EPHB4: variants seen among roughly 807,000 people sequenced by gnomAD.
EPHB4 encodes the protein EPH receptor B4, also known as ephrin type-B receptor 4.
EPHB4 carries 50 observed loss-of-function variants against 110.6 expected under a neutral mutation model. That is an observed-to-expected ratio of 0.45 (90% CI 0.36 to 0.57). The LOEUF is 0.57. EPHB4 is among the 20% of genes least tolerant of loss of function. The probability of loss-of-function intolerance (pLI) is 0.00; values close to 1 mark genes in which losing one functional copy is unlikely to be tolerated. For synonymous variants in EPHB4, 592 were observed against 578.4 expected, an observed-to-expected ratio of 1.02 and a Z score of -0.34; for missense variants, 1,128 against 1,382.1, an observed-to-expected ratio of 0.82 and a Z score of 2.91.
intron 4 of EPHB4, among the ~76,000 whole-genome samples, chr7:100,821,617 G>GCCTCCATTTCAACATCTAACTAT (rs1813235026): frequency 6.7e-6 from 1 of 149,628 alleles, no homozygotes; most frequent in African/African-American, 2.5e-5. Context: ...GACAGAGCAA[G>GCCTCCATTTCAACATCTAACTAT]ACTCTGTCTT....
intron 4 of EPHB4, chr7:100,820,534 A>C: frequency 2.6e-6 from 1 of 383,166 alleles, no homozygotes; most frequent in Non-Finnish European, 4.6e-6. Context: ...AATGGACAAA[A>C]GATCTCAAAA....
intron 12 of EPHB4, among the ~76,000 whole-genome samples, chr7:100,808,502 C>T (rs1405993621): frequency 1.3e-5 from 2 of 152,176 alleles, no homozygotes; most frequent in African/African-American, 2.4e-5. Context: ...GCTGGGATTA[C>T]AGGCATGAGT....
intron 12 of EPHB4, among the ~76,000 whole-genome samples, chr7:100,809,125 G>T (rs1453923670): frequency 6.6e-6 from 1 of 152,016 alleles, no homozygotes; most frequent in Non-Finnish European, 1.5e-5. Context: ...TTATTTTTTT[G>T]AGATGGAGTC....
At chr7:100,813,020 C>G in intron 11 of EPHB4, 26 bp from the exon 12 acceptor site, 1 of 1,612,524 alleles carries the variant, frequency 6.2e-7, no homozygotes, top group African/African-American at 1.3e-5. Flanking sequence ...CAGAGGTCAT[C>G]AGCTCTCCCG....
At position 100,822,332 on chromosome 7, in the gene EPHB4, C is replaced by A; in HGVS notation, c.747G>T (p.Pro249=). 1.3e-6 allele frequency: 2 copies of A among 1,567,150 alleles called. No individual in the cohort carries two copies. The highest frequency in any genetic ancestry group is 1.4e-5 in the African/African-American group (1 of 73,880). Residue 249 remains proline (P), a synonymous_variant, in exon 4 of 17, where the codon CCG becomes CCT. Coordinates refer to ENST00000358173, the MANE Select transcript of EPHB4 (RefSeq NM_004444.5). This position sits in a 1 kb window ranked among gnomAD's most constrained non-coding sequence, Gnocchi z 4.7. ...CREDGQWAEQ[P]VTGCSCAPGF... is the part of the protein sequence containing the mutation. The stretch of plus-strand genomic sequence containing the variant: ...CCGGAGCACAGCTGCAGCCCGTGAC[C>A]GGCTGTTCGGCCCACTGGCCATCCT...
At position 100,819,198 on chromosome 7, in the gene EPHB4, C is replaced by T. The variant is rs138781512; in HGVS notation, c.1297+359G>A. 2.8e-3 allele frequency among the ~76,000 whole-genome samples: 429 copies of T among 152,232 alleles called. 4 individuals carry two copies. Among genetic ancestry groups the T allele is most frequent in the African/African-American group, 9.3e-3 (386 of 41,544 alleles). On this transcript the variant is annotated intron_variant, in intron 6 of 16. Coordinates refer to ENST00000358173, the MANE Select transcript of EPHB4 (RefSeq NM_004444.5). ...TGCGATCATAGCTCACTGCAGCCTCCGACTCCTGGGCTCAAGCAATCCTCC... is the reference window on the plus strand; with the variant it reads ...TGCGATCATAGCTCACTGCAGCCTCTGACTCCTGGGCTCAAGCAATCCTCC...
intron 1 of EPHB4, among the ~76,000 whole-genome samples, chr7:100,826,357 GTCTAGACCGCAT>G (rs991863498): frequency 3.3e-5 from 5 of 152,130 alleles, no homozygotes; most frequent in Non-Finnish European, 7.4e-5. Flanking sequence ...TGGGGCCGGG[GTCTAGACCGCAT>G]TTAAAGGGAT....
At chr7:100,805,073 C>A (rs886819658) in intron 16 of EPHB4, 93 bp downstream of exon 16, 2 of 1,468,886 alleles carry the variant, frequency 1.4e-6, no homozygotes, top group Admixed American at 4.5e-5. Flanking sequence ...CATTGGCACC[C>A]GAAGCTGACC....
chr7:100,821,517 A>G (rs892199079), intron 4 of EPHB4, among the ~76,000 whole-genome samples: 21 of 149,788 alleles, frequency 1.4e-4, no homozygotes, highest in Non-Finnish European at 2.8e-4. Flanking sequence ...AGTCCCAGCT[A>G]CTCGGGAGGC....
Position 100,805,179 on chromosome 7 carries a change from G to C in EPHB4, c.2821C>G (p.Gln941Glu). The change falls in exon 16 of 17, where the codon CAG (glutamine) becomes GAG (glutamate). Residue 941 changes from glutamine to glutamate, a missense_variant. Transcript: ENST00000358173. Reference sequence around the variant, plus strand: ...GCCACTGCTTACTCAGCAGAGATCTGGCTGACCAGCTCGAAGGAGCCAAAG... The same window carrying C: ...GCCACTGCTTACTCAGCAGAGATCTCGCTGACCAGCTCGAAGGAGCCAAAG... Reference protein sequence around the residue: ...AGFGSFELVSQISAEDLLRIG... With the variant: ...AGFGSFELVSEISAEDLLRIG... The C allele has an allele frequency of 6.2e-7, 1 of 1,612,930 alleles. No homozygotes were observed. The highest frequency in any genetic ancestry group is 8.5e-7 in the Non-Finnish European group (1 of 1,179,514).
chr7:100,822,530 G>A lies in EPHB4; in HGVS notation c.549C>T (p.Ala183=). 6.2e-7 allele frequency: 1 copy of A among 1,613,470 alleles called. No individual in the cohort carries two copies. The highest frequency in any genetic ancestry group is 1.1e-5 in the South Asian group (1 of 91,084). ...GFYLAFQDQG[A]CMALLSLHLF... ...GGTGCAGGGATAGCAGGGCCATGCA[G>A]GCACCCTGGTCCTGGAAGGCCAGGT... The change falls in exon 4 of 17, where the codon GCC becomes GCT. Residue 183 remains alanine (A), a synonymous_variant. Transcript: ENST00000358173. This position sits in a 1 kb window ranked among gnomAD's most constrained non-coding sequence, Gnocchi z 4.7.
chr7:100,808,693 C>T (rs1812866839), intron 12 of EPHB4, among the ~76,000 whole-genome samples: 2 of 152,172 alleles, frequency 1.3e-5, no homozygotes, highest in Admixed American at 1.3e-4. Flanking sequence ...AAAGAGTTTG[C>T]TCTCACCAGG....
chr7:100,813,390 A>G, intron 10 of EPHB4, 182 bp from the exon 11 acceptor site: 1 of 629,200 alleles, frequency 1.6e-6, no homozygotes, highest in South Asian at 2.0e-5. Flanking sequence ...ATCTTGGCTC[A>G]CTGCAATCTC....
At chr7:100,804,659 AGAG>A (rs1202393966) in intron 16 of EPHB4, among the ~76,000 whole-genome samples, 1 of 152,042 alleles carries the variant, frequency 6.6e-6, no homozygotes, top group Non-Finnish European at 1.5e-5. Context: ...ACCTGGGGTG[AGAG>A]GAGATCTTGG....
At chr7:100,826,262 G>A (rs947295146) in intron 1 of EPHB4, among the ~76,000 whole-genome samples, 2 of 151,732 alleles carry the variant, frequency 1.3e-5, no homozygotes, top group African/African-American at 4.8e-5. Flanking sequence ...GCGATGTGGG[G>A]GCTGTGTAGG....
intron 1 of EPHB4, 161 bp downstream of exon 1, chr7:100,826,818 C>G: frequency 4.3e-3 from 2,063 of 483,862 alleles, no homozygotes; most frequent in Non-Finnish European, 5.4e-3. Flanking sequence ...GGCGCCTCTT[C>G]CCCGCCCCCC....
intron 16 of EPHB4, 66 bp from the exon 17 acceptor site, chr7:100,803,656 C>A: frequency 6.6e-7 from 1 of 1,515,264 alleles, no homozygotes; most frequent in Non-Finnish European, 8.9e-7. Context: ...TCTCTTGGCT[C>A]CTGAGACGGT....
At chr7:100,817,162 C>T (rs757150054) in intron 8 of EPHB4, 30 bp downstream of exon 8, 1 of 1,492,854 alleles carries the variant, frequency 6.7e-7, no homozygotes, top group Admixed American at 2.5e-5. Context: ...TCTTTCCAAC[C>T]CCCACCCTCA....
intron 8 of EPHB4, among the ~76,000 whole-genome samples, chr7:100,814,647 T>C (rs1043575268): frequency 6.6e-6 from 1 of 152,190 alleles, no homozygotes; most frequent in African/African-American, 2.4e-5. Flanking sequence ...ACAATTGAAA[T>C]GTTCACCAAA....
Sources: gnomAD v4.1 joint callset for allele counts (sites outside exome capture counted in the v4.1 genomes callset) on GRCh38, gnomAD v4.1.1 for gene constraint, Gnocchi (gnomAD v3.1) non-coding constraint, MANE v1.5 for transcripts, NCBI Gene and HGNC (gene_info 2026-07-23, HGNC 2026-07-21) for gene names.